FANCA: variants seen among roughly 807,000 people sequenced by gnomAD.
FANCA encodes FA complementation group A.
In FANCA, 236 loss-of-function variants were observed where a neutral mutation model predicts 194.3. That is an observed-to-expected ratio of 1.21 (90% confidence interval 1.09 to 1.35). FANCA has a LOEUF of 1.35. FANCA is among the 40% of genes most tolerant of loss of function. The pLI, the probability that FANCA is intolerant of heterozygous loss-of-function variation, is 0.00. For synonymous variants in FANCA, 1,014 were observed against 715.8 expected (o/e 1.42, Z -6.65); for missense variants, 2,628 against 1,813.9 (o/e 1.45, Z -8.15).
chr16:89,784,887 T>C lies in FANCA; in HGVS notation c.1437A>G (p.Glu479=), dbSNP rs2143476678. The C allele has an allele frequency of 6.2e-7, 1 of 1,614,034 alleles. No homozygotes were observed. Among genetic ancestry groups the C allele is most frequent in the Non-Finnish European group, 8.5e-7 (1 of 1,179,986 alleles). ...ACCGGGGAGACTCAAAAGGCACGAG[T>C]TCTGACAAGAACGTAAACAGGAAGA... ...ALVFLFTFLS[E]LVPFESPRYL... is the part of the protein sequence containing the mutation. Residue 479 remains glutamate (E), a synonymous_variant, in exon 15 of 43, where the codon GAA becomes GAG. Coordinates refer to ENST00000389301, the MANE Select transcript of FANCA (RefSeq NM_000135.4).
intron 37 of FANCA, among the ~76,000 whole-genome samples, chr16:89,741,297 T>C (rs11076618): frequency 0.72 from 109,147 of 152,108 alleles, 40,981 homozygotes; most frequent in East Asian, 0.99. Flanking sequence ...CACACTAGGG[T>C]CCTAAGGCCC....
Position 89,738,071 on chromosome 16 carries a change from A to C in FANCA, c.*530T>G, listed in dbSNP as rs1353051156. On this transcript the variant is annotated 3_prime_UTR_variant, in exon 43 of 43. Transcript: ENST00000389301. ...GAGACTGAGCTGGACTTTGCCTGTG[A>C]CCAGTGTGGCCGGCGGTTTGAGAAG... The C allele has an allele frequency of 6.2e-7, 1 of 1,614,038 alleles. No homozygotes were observed. Among genetic ancestry groups the C allele is most frequent in the Admixed American group, 1.7e-5 (1 of 60,016 alleles).
chr16:89,738,903 C>T lies in FANCA; in HGVS notation c.4239G>A (p.Lys1413=). The T allele has an allele frequency of 6.2e-7, 1 of 1,614,256 alleles. No individual in the cohort carries two copies. Among genetic ancestry groups the T allele is most frequent in the Non-Finnish European group, 8.5e-7 (1 of 1,180,048 alleles). ...TTACCTCTGCCACGTGTGAGAAGCT[C>T]TTTTTCGGGCACCGAGGTATTAACT... ...LLQLIPRCPK[K]SFSHVAELLA... The change falls in exon 42 of 43, where the codon AAG becomes AAA. Residue 1413 remains lysine, a synonymous_variant. Transcript: ENST00000389301.
At position 89,739,367 on chromosome 16, in the gene FANCA, CTG is replaced by C. The variant is rs2062062962; in HGVS notation, c.4011-80_4011-79del. 6.9e-6 allele frequency: 11 copies of C among 1,597,536 alleles called. No individual in the cohort carries two copies. The South Asian group carries it at 7.8e-5, about 11-fold the overall frequency. ...GGTGATGCCAAGGGATACTGCTCAT[CTG>C]TGGAGCAGAGGCACAGACAACCCTT... On this transcript the variant is annotated intron_variant, in intron 40 of 42. Transcript: ENST00000389301.
At position 89,737,896 on chromosome 16, in the gene FANCA, A is replaced by G. The variant is rs755288718; in HGVS notation, c.*705T>C. On this transcript the variant is annotated 3_prime_UTR_variant, in exon 43 of 43. Coordinates refer to ENST00000389301, the MANE Select transcript of FANCA (RefSeq NM_000135.4). ...CACCAAATGCGACATTCGGGAGCCA[A>G]GCCTTTGCAGTAAGTGTGAGTCAGG... The G allele has an allele frequency of 6.2e-7, 1 of 1,609,138 alleles. No homozygotes were observed. Among genetic ancestry groups the G allele is most frequent in the South Asian group, 1.1e-5 (1 of 90,780 alleles).
intron 8 of FANCA, 105 bp from the exon 9 acceptor site, chr16:89,799,743 C>A (rs1324096146): frequency 8.7e-6 from 9 of 1,032,212 alleles, no homozygotes; most frequent in Non-Finnish European, 1.4e-5. Context: ...AGTAAAGAAA[C>A]GGCACTTCAG....
intron 6 of FANCA, among the ~76,000 whole-genome samples, chr16:89,807,376 T>A (rs1004376638): frequency 6.6e-6 from 1 of 150,782 alleles, no homozygotes; most frequent in African/African-American, 2.4e-5. Context: ...ATTGCTTGAA[T>A]CCGGGAAGCG....
intron 35 of FANCA, among the ~76,000 whole-genome samples, chr16:89,746,146 C>G (rs574454460): frequency 6.6e-6 from 1 of 152,312 alleles, no homozygotes; most frequent in Non-Finnish European, 1.5e-5. Flanking sequence ...CTGGCGGGAG[C>G]TGAGGTGAAG....
intron 27 of FANCA, among the ~76,000 whole-genome samples, chr16:89,765,871 C>G (rs1205453744): frequency 6.6e-6 from 1 of 152,244 alleles, no homozygotes; most frequent in Non-Finnish European, 1.5e-5. Flanking sequence ...TACGTGCACC[C>G]TGGATCCTCA....
chr16:89,739,436 G>A, intron 40 of FANCA, 42 bp downstream of exon 40: 1 of 1,554,280 alleles, frequency 6.4e-7, no homozygotes, highest in South Asian at 1.2e-5. Flanking sequence ...GGGGGTCTGG[G>A]AAACACTGCC....
chr16:89,792,717 G>A (rs997542153), intron 11 of FANCA, 170 bp from the exon 12 acceptor site: 11 of 603,178 alleles, frequency 1.8e-5, no homozygotes, highest in Non-Finnish European at 3.4e-5. Flanking sequence ...AGCTGGGCCC[G>A]GGGGACCACT....
At chr16:89,807,831 C>T (rs984060015) in intron 6 of FANCA, among the ~76,000 whole-genome samples, 2 of 151,680 alleles carry the variant, frequency 1.3e-5, no homozygotes, top group Non-Finnish European at 2.9e-5. Context: ...TGCAGTGAGC[C>T]GACATCACGT....
At chr16:89,811,252 C>T (rs2143682592) in intron 3 of FANCA, among the ~76,000 whole-genome samples, 181 bp from the exon 4 acceptor site, 1 of 152,298 alleles carries the variant, frequency 6.6e-6, no homozygotes, top group Middle Eastern at 3.4e-3. Context: ...ATGATCCAAG[C>T]AGCTCACAAT....
intron 14 of FANCA, among the ~76,000 whole-genome samples, chr16:89,787,686 T>C (rs985191155): frequency 2.7e-4 from 41 of 151,818 alleles, no homozygotes; most frequent in African/African-American, 9.4e-4. Flanking sequence ...CAGTGAGCCA[T>C]GATCACACCA....
At chr16:89,765,545 TC>T (rs1164059704) in intron 27 of FANCA, among the ~76,000 whole-genome samples, 1 of 152,244 alleles carries the variant, frequency 6.6e-6, no homozygotes, top group East Asian at 1.9e-4. Context: ...CAAAACTGCC[TC>T]CCAGGGGTAG....
chr16:89,799,776 G>A (rs1008388254), intron 8 of FANCA, 138 bp from the exon 9 acceptor site: 10 of 718,472 alleles, frequency 1.4e-5, no homozygotes, highest in African/African-American at 3.5e-5. Context: ...GGCGGATCAC[G>A]AGGTCAGGAG....
At chr16:89,771,621 T>C in intron 23 of FANCA, 57 bp downstream of exon 23, 1 of 1,599,146 alleles carries the variant, frequency 6.3e-7, no homozygotes, top group Non-Finnish European at 8.6e-7. Context: ...GTCTAATGCC[T>C]CTGCCTAATG....
intron 27 of FANCA, among the ~76,000 whole-genome samples, chr16:89,766,480 C>T (rs962115045): frequency 2.6e-5 from 4 of 151,682 alleles, no homozygotes; most frequent in Admixed American, 1.3e-4. Flanking sequence ...GAGGCCAAGG[C>T]GGGTGGATCA....
chr16:89,778,676 A>G, intron 20 of FANCA, 125 bp downstream of exon 20: 6 of 580,688 alleles, frequency 1.0e-5, no homozygotes, highest in African/African-American at 2.0e-5. Flanking sequence ...CCAATTTTGG[A>G]GCCAATATTT....
Sources: allele counts gnomAD v4.1 joint callset (sites outside exome capture counted in the v4.1 genomes callset), GRCh38; gene constraint gnomAD v4.1.1; transcripts MANE v1.5; gene names NCBI Gene and HGNC (gene_info 2026-07-23, HGNC 2026-07-21).